MTARC2: variants seen among roughly 807,000 people sequenced by gnomAD.
MTARC2 encodes MOCO sulphurase C-terminal domain containing 2.
In MTARC2, 27 loss-of-function variants were observed where a neutral mutation model predicts 35.6. The observed-to-expected ratio is 0.76, with a 90% CI of 0.56 to 1.04. MTARC2 has a LOEUF of 1.04. Among genes scored for constraint, MTARC2 ranks in the 50% least tolerant of loss-of-function variants. The probability of loss-of-function intolerance (pLI) is 0.00; values close to 1 mark genes in which losing one functional copy is unlikely to be tolerated. For missense variants in MTARC2, 412 were observed against 432.5 expected (o/e 0.95, Z 0.42); for synonymous variants, 158 against 167.1 (o/e 0.95, Z 0.42).
At chr1:220,763,150 CCA>C in intron 4 of MTARC2, 100 bp downstream of exon 4, 1 of 1,520,822 alleles carries the variant, frequency 6.6e-7, no homozygotes, top group Non-Finnish European at 9.1e-7. Context: ...CCGCCAGGGT[CCA>C]GTCATTCACT....
At chr1:220,778,268 A>AG (rs1671971851) in intron 4 of MTARC2, among the ~76,000 whole-genome samples, 1 of 141,754 alleles carries the variant, frequency 7.1e-6, no homozygotes, top group South Asian at 2.3e-4. Context: ...AAAAAAAAAA[A>AG]GAAAGAAAGA....
intron 4 of MTARC2, among the ~76,000 whole-genome samples, chr1:220,772,586 G>A (rs1671773898): frequency 6.6e-6 from 1 of 152,134 alleles, no homozygotes; most frequent in Non-Finnish European, 1.5e-5. Context: ...GGGTCTCAGG[G>A]CCAAGTGGGA....
At chr1:220,773,112 T>C (rs77546986) in intron 4 of MTARC2, among the ~76,000 whole-genome samples, 3,624 of 152,214 alleles carry the variant, frequency 0.024, 111 homozygotes, top group African/African-American at 0.064. Flanking sequence ...AGCTGGTTCT[T>C]AGAAAGACTA....
At position 220,761,655 on chromosome 1, in the gene MTARC2, C is replaced by T; in HGVS notation, c.447-3C>T. 1 of 1,605,622 alleles carries T rather than the reference C, an allele frequency of 6.2e-7. No homozygotes were observed. Among genetic ancestry groups the T allele is most frequent in the African/African-American group, 1.3e-5 (1 of 74,414 alleles). On this transcript the variant is annotated splice_polypyrimidine_tract_variant and splice_region_variant and intron_variant, in intron 2 of 7. Coordinates refer to ENST00000366913, the MANE Select transcript of MTARC2 (RefSeq NM_017898.5). ...ACCTGGTGTTCTTTTGTGACCTTTC[C>T]AGGATATTTGGCCTTGACATTAAAG...
intron 2 of MTARC2, among the ~76,000 whole-genome samples, chr1:220,756,748 C>T (rs1671290899): frequency 1.3e-5 from 2 of 152,292 alleles, no homozygotes; most frequent in East Asian, 3.9e-4. Context: ...GTGTTGCCAA[C>T]AGTGAGCAAG....
intron 1 of MTARC2, among the ~76,000 whole-genome samples, chr1:220,753,624 C>T (rs1375214012): frequency 6.6e-6 from 1 of 152,182 alleles, no homozygotes; most frequent in Non-Finnish European, 1.5e-5. Context: ...GAGGAGCCGC[C>T]CCTGCTTCTG....
At chr1:220,763,632 C>T (rs988756125) in intron 4 of MTARC2, among the ~76,000 whole-genome samples, 1 of 151,996 alleles carries the variant, frequency 6.6e-6, no homozygotes, top group Non-Finnish European at 1.5e-5. Flanking sequence ...ACCCTGAACT[C>T]TGTATGTGAT....
intron 4 of MTARC2, among the ~76,000 whole-genome samples, chr1:220,775,568 G>A (rs559260144): frequency 6.6e-6 from 1 of 152,216 alleles, no homozygotes; most frequent in South Asian, 2.1e-4. Flanking sequence ...ACAGGTGCAG[G>A]TTTTTTATAT....
chr1:220,783,922 T>G lies in MTARC2; in HGVS notation c.*35T>G, dbSNP rs1462302039. 2.8e-6 allele frequency: 2 copies of G among 717,462 alleles called. No homozygotes were observed. The highest frequency in any genetic ancestry group is 3.0e-5 in the South Asian group (2 of 67,600). The allele number at this position is 717,462 out of a possible 1,614,324, so 44.4% of individuals were successfully genotyped here. A position where few individuals can be genotyped will look rare whatever the true frequency, so the allele number is the denominator to read the frequency against. ...GAGATTCTTATTATTTATTCAGGCT[T>G]CAGCAACCAGGAGGGATTGACTGAG... On this transcript the variant is annotated 3_prime_UTR_variant, in exon 8 of 8. Coordinates refer to ENST00000366913, the MANE Select transcript of MTARC2 (RefSeq NM_017898.5).
chr1:220,771,722 A>G (rs1671748467), intron 4 of MTARC2, among the ~76,000 whole-genome samples: 2 of 151,354 alleles, frequency 1.3e-5, no homozygotes, highest in South Asian at 4.2e-4. Flanking sequence ...AAAATTCCTC[A>G]TTGGGTAACA....
At chr1:220,773,761 A>T (rs1190975400) in intron 4 of MTARC2, among the ~76,000 whole-genome samples, 1 of 152,182 alleles carries the variant, frequency 6.6e-6, no homozygotes, top group South Asian at 2.1e-4. Context: ...GACAAAAATT[A>T]TTTTTAAGAT....
In MTARC2 at chr1:220,784,272, G is replaced by T; in HGVS notation, c.*385G>T. 3.4e-6 allele frequency: 1 copy of T among 292,416 alleles called. No homozygotes were observed. The highest frequency in any genetic ancestry group is 2.2e-5 in the African/African-American group (1 of 45,530). The allele number at this position is 292,416 out of a possible 1,614,324, so 18.1% of individuals were successfully genotyped here. A position where few individuals can be genotyped will look rare whatever the true frequency, so the allele number is the denominator to read the frequency against. ...AGCTGCAAAAATGTTTTTAAAATGT[G>T]TGCCTTTTATTACCTATCAGTCTAT... On this transcript the variant is annotated 3_prime_UTR_variant, in exon 8 of 8. Coordinates refer to ENST00000366913, the MANE Select transcript of MTARC2 (RefSeq NM_017898.5).
intron 4 of MTARC2, among the ~76,000 whole-genome samples, chr1:220,769,813 G>A (rs12057906): frequency 6.7e-6 from 1 of 149,242 alleles, no homozygotes; most frequent in East Asian, 2.0e-4. Flanking sequence ...CTCTCAGAAC[G>A]CCCTGTCTGA....
chr1:220,749,336 T>C (rs759697225), intron 1 of MTARC2, among the ~76,000 whole-genome samples: 1 of 151,982 alleles, frequency 6.6e-6, no homozygotes, highest in Non-Finnish European at 1.5e-5. Flanking sequence ...TCCCCCCTTC[T>C]CCCATAGGCA....
chr1:220,780,531 C>A (rs1672044434), intron 6 of MTARC2, among the ~76,000 whole-genome samples: 1 of 150,898 alleles, frequency 6.6e-6, no homozygotes, highest in Non-Finnish European at 1.5e-5. Context: ...TAGCTCACTG[C>A]AACCTCCACT....
chr1:220,755,804 T>C (rs1207403745), intron 2 of MTARC2, among the ~76,000 whole-genome samples: 2 of 152,188 alleles, frequency 1.3e-5, no homozygotes, highest in Non-Finnish European at 2.9e-5. Flanking sequence ...CTCCAAGATG[T>C]CAAAGCGTAA....
intron 1 of MTARC2, among the ~76,000 whole-genome samples, chr1:220,751,130 AAGGC>A (rs1337058384): frequency 6.6e-6 from 1 of 152,156 alleles, no homozygotes; most frequent in African/African-American, 2.4e-5. Context: ...AGTTCAGGGA[AAGGC>A]CTCATTTAAT....
chr1:220,778,579 T>C (rs745650323), intron 4 of MTARC2, among the ~76,000 whole-genome samples: 2 of 152,194 alleles, frequency 1.3e-5, no homozygotes, highest in Non-Finnish European at 2.9e-5. Flanking sequence ...ACAGTAGGGA[T>C]GACAATCCGA....
At chr1:220,777,120 A>G (rs1671940060) in intron 4 of MTARC2, among the ~76,000 whole-genome samples, 1 of 152,168 alleles carries the variant, frequency 6.6e-6, no homozygotes, top group Non-Finnish European at 1.5e-5. Context: ...CATTCCTTAC[A>G]CATGTTGTGT....
Sources: gnomAD v4.1 joint callset for allele counts (sites outside exome capture counted in the v4.1 genomes callset) on GRCh38, gnomAD v4.1.1 for gene constraint, MANE v1.5 for transcripts, NCBI Gene and HGNC (gene_info 2026-07-23, HGNC 2026-07-21) for gene names.